Variants in SPANXN4 observed in about 807,000 individuals in gnomAD.
SPANXN4 encodes the protein SPANX family member N4.
SPANXN4 carries 5 observed loss-of-function variants against 6.0 expected under a neutral mutation model. The ratio of observed to expected loss-of-function variants is 0.83; its 90% CI spans 0.44 to 1.75. SPANXN4 has a LOEUF of 1.75. Ranked by LOEUF, SPANXN4 falls within the 40% of genes most tolerant of loss-of-function variation. SPANXN4 has a pLI of 0.02. For missense variants in SPANXN4, 157 were observed against 108.6 expected (o/e 1.45, Z -1.98); for synonymous variants, 45 against 38.0 (o/e 1.19, Z -0.68).
chrX:143,033,672 C>G (rs1932824686), intron 1 of SPANXN4, among the ~76,000 whole-genome samples: 1 of 111,614 alleles, frequency 9.0e-6, no homozygotes. Flanking sequence ...GACCTTTGCC[C>G]AGAAAGATAT....
intron 1 of SPANXN4, among the ~76,000 whole-genome samples, chrX:143,030,123 G>A (rs1375925493): frequency 1.8e-5 from 2 of 109,424 alleles, no homozygotes; most frequent in African/African-American, 6.7e-5. Context: ...GGGCCCATGT[G>A]AGGCCGTGTA....
At chrX:143,035,678 G>T (rs1215365759), downstream of SPANXN4, among the ~76,000 whole-genome samples, 5 of 109,737 alleles carry the variant, frequency 4.6e-5, no homozygotes, top group Non-Finnish European at 3.8e-5. Flanking sequence ...ATTTTATTTT[G>T]TATATTTGAG....
At chrX:143,027,148 A>G (rs999449104) in intron 1 of SPANXN4, among the ~76,000 whole-genome samples, 2 of 112,031 alleles carry the variant, frequency 1.8e-5, no homozygotes, top group African/African-American at 6.5e-5. Flanking sequence ...TCATGAGAAG[A>G]TGGGGGTTGA....
At chrX:143,028,219 C>T (rs1217614104) in intron 1 of SPANXN4, among the ~76,000 whole-genome samples, 1 of 110,455 alleles carries the variant, frequency 9.1e-6, no homozygotes, top group African/African-American at 3.3e-5. Context: ...TTAGGATAAC[C>T]TGCTGAGGAC....
chrX:143,032,903 T>C (rs1396556473), intron 1 of SPANXN4, among the ~76,000 whole-genome samples: 1 of 111,315 alleles, frequency 9.0e-6, no homozygotes, highest in East Asian at 2.9e-4. Flanking sequence ...AGAGCTGGGA[T>C]GTACCAAAGA....
intron 1 of SPANXN4, among the ~76,000 whole-genome samples, chrX:143,028,555 T>G (rs1264520487): frequency 9.0e-6 from 1 of 111,429 alleles, no homozygotes; most frequent in African/African-American, 3.3e-5. Flanking sequence ...GAAACAAATG[T>G]TGGCCCATTG....
chrX:143,037,627 CT>C (rs1044888632), downstream of SPANXN4, among the ~76,000 whole-genome samples: 11 of 111,393 alleles, frequency 9.9e-5, no homozygotes, highest in African/African-American at 3.3e-4. Flanking sequence ...TATGGTTAGG[CT>C]TTGTGTCCCC....
chrX:143,035,725 TA>T (rs984975732), downstream of SPANXN4, among the ~76,000 whole-genome samples: 16 of 110,547 alleles, frequency 1.4e-4, no homozygotes, highest in Non-Finnish European at 3.0e-4. Flanking sequence ...ATATATAAAG[TA>T]AAATGGTTAC....
chrX:143,032,214 G>A (rs188889399), intron 1 of SPANXN4, among the ~76,000 whole-genome samples: 1 of 36,954 alleles, frequency 2.7e-5, no homozygotes, highest in Non-Finnish European at 7.0e-5. Context: ...TTGGATAAAG[G>A]AGCCAAGTCT....
chrX:143,034,724 C>T (rs1402848787), downstream of SPANXN4: 1 of 1,109,458 alleles, frequency 9.0e-7, no homozygotes, highest in African/African-American at 1.9e-5. Context: ...AAGAACCTCA[C>T]CCTACAGAAA....
In SPANXN4 at chrX:143,034,012, G is replaced by A. The variant is rs914765957; in HGVS notation, c.79-16G>A. 2.6e-5 allele frequency: 30 copies of A among 1,159,283 alleles called. No individual in the cohort carries two copies. The highest frequency in any genetic ancestry group is 4.7e-4 in the Middle Eastern group (2 of 4,259). On this transcript the variant is annotated splice_polypyrimidine_tract_variant and intron_variant, in intron 1 of 2. Transcript: ENST00000370504. ...AATAACACCATTCTGGCCTCTCCCTGTTTTTTTACCAGAAGAAGAAGAATC... is the reference window on the plus strand; with the variant it reads ...AATAACACCATTCTGGCCTCTCCCTATTTTTTTACCAGAAGAAGAAGAATC...
intron 1 of SPANXN4, among the ~76,000 whole-genome samples, chrX:143,028,414 T>G (rs749023309): frequency 9.0e-6 from 1 of 111,024 alleles, no homozygotes; most frequent in Non-Finnish European, 1.9e-5. Flanking sequence ...AAGTGAAGCC[T>G]GGGCCGTTTT....
At chrX:143,035,941 C>G (rs1218447288), downstream of SPANXN4, among the ~76,000 whole-genome samples, 1 of 106,108 alleles carries the variant, frequency 9.4e-6, no homozygotes, top group Non-Finnish European at 1.9e-5. Context: ...TCTCCCACCC[C>G]CAATGTTTCA....
chrX:143,031,914 T>C lies in SPANXN4; in HGVS notation c.79-2114T>C, dbSNP rs189650849. 4.5e-5 allele frequency among the ~76,000 whole-genome samples: 5 copies of C among 111,806 alleles called. No homozygotes were observed. The East Asian group carries it at 1.4e-3, about 32-fold the overall frequency. ...TAGAGGAAAAGAGCATGGGCAGCTT[T>C]ATTTATGCCAGCTAGAAGGCATGAT... On this transcript the variant is annotated intron_variant, in intron 1 of 2. Coordinates refer to ENST00000370504, the Ensembl canonical transcript of SPANXN4.
At chrX:143,032,323 C>T (rs951679088) in intron 1 of SPANXN4, among the ~76,000 whole-genome samples, 11 of 110,793 alleles carry the variant, frequency 9.9e-5, no homozygotes, top group African/African-American at 3.6e-4. Flanking sequence ...CTTTGGAAGG[C>T]CTTTGGGTGT....
chrX:143,033,233 G>A (rs1017475940), intron 1 of SPANXN4, among the ~76,000 whole-genome samples: 1 of 110,886 alleles, frequency 9.0e-6, no homozygotes, highest in African/African-American at 3.3e-5. Context: ...CCCAGGACTG[G>A]AGAAAATGAG....
chrX:143,033,729 T>C (rs1361666021), intron 1 of SPANXN4, among the ~76,000 whole-genome samples: 1 of 112,123 alleles, frequency 8.9e-6, no homozygotes, highest in Non-Finnish European at 1.9e-5. Flanking sequence ...TGTAGTCAAG[T>C]GGTTAGACAG....
chrX:143,032,136 T>C (rs912804527), intron 1 of SPANXN4, among the ~76,000 whole-genome samples: 1 of 111,754 alleles, frequency 8.9e-6, no homozygotes, highest in Non-Finnish European at 1.9e-5. Context: ...ATGACATACG[T>C]GTCTTGCCAG....
At chrX:143,031,314 C>G (rs1932808448) in intron 1 of SPANXN4, among the ~76,000 whole-genome samples, 2 of 110,585 alleles carry the variant, frequency 1.8e-5, no homozygotes, top group Admixed American at 1.9e-4. Flanking sequence ...TCTGGTAAAA[C>G]TGAATAACTA....
Sources: gnomAD v4.1 joint callset for allele counts (sites outside exome capture counted in the v4.1 genomes callset) on GRCh38, gnomAD v4.1.1 for gene constraint, MANE v1.5 for transcripts, NCBI Gene and HGNC (gene_info 2026-07-23, HGNC 2026-07-21) for gene names.